The following NSMCE2 variants were observed in gnomAD, a reference collection of about 807,000 sequenced individuals.
NSMCE2 encodes NSE2 SUMO ligase component of SMC5/6 complex, also known as E3 SUMO-protein ligase NSE2.
Under a neutral mutation model 23.8 loss-of-function variants are expected in NSMCE2, and 24 were observed. The ratio of observed to expected loss-of-function variants is 1.01; its 90% CI spans 0.73 to 1.42. The LOEUF (loss-of-function observed/expected upper bound fraction) is 1.42, where lower values mean the gene tolerates loss of function less well. NSMCE2 is among the 40% of genes most tolerant of loss of function. The pLI, the probability that NSMCE2 is intolerant of heterozygous loss-of-function variation, is 0.00. For missense variants in NSMCE2, 284 were observed against 296.5 expected, an observed-to-expected ratio of 0.96 and a Z score of 0.31; for synonymous variants, 92 against 94.1, an observed-to-expected ratio of 0.98 and a Z score of 0.13.
In NSMCE2 at chr8:125,102,213, A is replaced by G. The variant is rs958478216; in HGVS notation, c.-15+67A>G. On this transcript the variant is annotated intron_variant, in intron 2 of 7. Transcript: ENST00000287437. ...CAGAATAGTGTGGCATTTATGAGAT[A>G]TTGGATACATTTGTATGAATGTTTA... 9 of 779,972 alleles carry G rather than the reference A, an allele frequency of 1.2e-5. No individual in the cohort carries two copies. The African/African-American group carries it at 1.4e-4, about 12-fold the overall frequency. The allele number at this position is 779,972 out of a possible 1,614,324, so 48.3% of individuals were successfully genotyped here. A position where few individuals can be genotyped will look rare whatever the true frequency, so the allele number is the denominator to read the frequency against.
chr8:125,207,015 A>G (rs1351945855), intron 5 of NSMCE2, among the ~76,000 whole-genome samples: 2 of 152,186 alleles, frequency 1.3e-5, no homozygotes, highest in African/African-American at 2.4e-5. Context: ...TTCTTATTTT[A>G]GTTGAATTTC....
chr8:125,239,394 A>T (rs569160772), intron 5 of NSMCE2, among the ~76,000 whole-genome samples: 58 of 152,286 alleles, frequency 3.8e-4, no homozygotes, highest in African/African-American at 1.3e-3. Flanking sequence ...AGATCACTTG[A>T]GGCCAGGATT....
chr8:125,126,913 A>G (rs1329387506), intron 3 of NSMCE2: 1 of 152,122 alleles, frequency 6.6e-6, no homozygotes, highest in African/African-American at 2.4e-5. Context: ...CAGCGTTCTT[A>G]TTTTATCTGT....
intron 7 of NSMCE2, among the ~76,000 whole-genome samples, chr8:125,358,537 C>A (rs1380232215): frequency 2.0e-5 from 3 of 151,732 alleles, no homozygotes; most frequent in African/African-American, 4.8e-5. Context: ...ACCTTCCTTC[C>A]CCTTCTTCCA....
At chr8:125,312,484 C>T (rs1008706047) in intron 5 of NSMCE2, among the ~76,000 whole-genome samples, 2 of 151,750 alleles carry the variant, frequency 1.3e-5, no homozygotes, top group African/African-American at 4.8e-5. Context: ...ATTAGCCGGG[C>T]GTGGGTGGCA....
At chr8:125,247,599 CCTGTAATCCCAGCTACTCGGGAGG>C (rs1247268364) in intron 5 of NSMCE2, among the ~76,000 whole-genome samples, 2 of 151,960 alleles carry the variant, frequency 1.3e-5, no homozygotes, top group African/African-American at 4.8e-5. Context: ...GTGGCAGGCA[CCTGTAATCCCAGCTACTCGGGAGG>C]CTGAGGCAGG....
intron 5 of NSMCE2, among the ~76,000 whole-genome samples, chr8:125,251,418 T>G (rs958517529): frequency 6.6e-6 from 1 of 152,184 alleles, no homozygotes; most frequent in Admixed American, 6.5e-5. Flanking sequence ...AGACAGTGAT[T>G]TTTAAATGGG....
intron 5 of NSMCE2, among the ~76,000 whole-genome samples, chr8:125,289,744 T>C (rs4565472): frequency 0.86 from 131,126 of 152,228 alleles, 56,459 homozygotes; most frequent in Middle Eastern, 0.91. Context: ...GCTTAGGTTT[T>C]CTTTCTTGAG....
At chr8:125,267,003 C>CTTTTTTT (rs35990794) in intron 5 of NSMCE2, among the ~76,000 whole-genome samples, 33 of 111,982 alleles carry the variant, frequency 2.9e-4, no homozygotes, top group East Asian at 5.2e-4. Context: ...TTTTTTCTTT[C>CTTTTTTT]TTTTTTTTTT....
intron 5 of NSMCE2, among the ~76,000 whole-genome samples, chr8:125,221,605 C>G (rs1425398753): frequency 1.3e-5 from 2 of 152,154 alleles, no homozygotes; most frequent in Admixed American, 6.5e-5. Flanking sequence ...ATGCTTGAAA[C>G]CAAAAAGTGT....
intron 3 of NSMCE2, among the ~76,000 whole-genome samples, chr8:125,149,984 A>G (rs1468409865): frequency 6.6e-6 from 1 of 152,200 alleles, no homozygotes; most frequent in Non-Finnish European, 1.5e-5. Context: ...TGCTTCTGCC[A>G]GACACCTGTG....
chr8:125,174,488 T>G (rs1452910843), intron 4 of NSMCE2, among the ~76,000 whole-genome samples: 2 of 152,212 alleles, frequency 1.3e-5, no homozygotes, highest in African/African-American at 4.8e-5. Context: ...CGTATTATAG[T>G]GGGCATGGTG....
At chr8:125,335,185 G>A (rs1830029726) in intron 5 of NSMCE2, among the ~76,000 whole-genome samples, 1 of 152,182 alleles carries the variant, frequency 6.6e-6, no homozygotes, top group South Asian at 2.1e-4. Flanking sequence ...TACTGCCAAG[G>A]GAGGGGCTGT....
chr8:125,274,885 G>A (rs528293186), intron 5 of NSMCE2, among the ~76,000 whole-genome samples: 4 of 148,340 alleles, frequency 2.7e-5, no homozygotes, highest in East Asian at 3.9e-4. Context: ...AGCCAAGATC[G>A]CGCCATTGCA....
chr8:125,227,457 C>A (rs920746758), intron 5 of NSMCE2, among the ~76,000 whole-genome samples: 1 of 152,214 alleles, frequency 6.6e-6, no homozygotes, highest in Admixed American at 6.5e-5. Flanking sequence ...TACCGAATAA[C>A]GAATCAAATG....
chr8:125,163,424 G>A (rs1459946452), intron 4 of NSMCE2, among the ~76,000 whole-genome samples: 2 of 152,156 alleles, frequency 1.3e-5, no homozygotes, highest in Non-Finnish European at 2.9e-5. Flanking sequence ...TGATAAGCAT[G>A]TCCAGCTGGG....
chr8:125,252,493 T>C (rs1484855457), intron 5 of NSMCE2, among the ~76,000 whole-genome samples: 1 of 152,134 alleles, frequency 6.6e-6, no homozygotes, highest in Non-Finnish European at 1.5e-5. Context: ...GCCACTGCAC[T>C]CCAGCCTGGG....
At chr8:125,129,544 CTGTGTGTGTGTGTGTGTGTGTG>C (rs10578122) in intron 3 of NSMCE2, among the ~76,000 whole-genome samples, 1 of 145,358 alleles carries the variant, frequency 6.9e-6, no homozygotes. Context: ...AGATTTGGCT[CTGTGTGTGTGTGTGTGTGTGTG>C]TGTGTGTGTG....
intron 3 of NSMCE2, among the ~76,000 whole-genome samples, chr8:125,131,143 C>G (rs540871370): frequency 1.3e-5 from 2 of 152,304 alleles, no homozygotes; most frequent in East Asian, 3.9e-4. Context: ...AGGATCCCCT[C>G]ATTCCTGATT....
Sources: allele counts gnomAD v4.1 joint callset (sites outside exome capture counted in the v4.1 genomes callset), GRCh38; gene constraint gnomAD v4.1.1; transcripts MANE v1.5; gene names NCBI Gene and HGNC (gene_info 2026-07-23, HGNC 2026-07-21).